Variants in C10orf143 observed in about 807,000 individuals in gnomAD.
C10orf143 encodes the protein chromosome 10 open reading frame 143, also known as uncharacterized protein C10orf143.
intron 3 of C10orf143, among the ~76,000 whole-genome samples, chr10:130,045,693 A>C (rs1395880594): frequency 6.6e-6 from 1 of 152,168 alleles, no homozygotes; most frequent in Admixed American, 6.5e-5. Flanking sequence ...CACCCCACAC[A>C]ACTGGACCTG....
chr10:130,090,227 T>A (rs1002211965), intron 1 of C10orf143, among the ~76,000 whole-genome samples: 2 of 152,054 alleles, frequency 1.3e-5, no homozygotes, highest in African/African-American at 4.8e-5. Context: ...CTCATCTCAT[T>A]GGGACTAGTT....
intron 3 of C10orf143, among the ~76,000 whole-genome samples, chr10:130,038,865 C>G (rs555091035): frequency 6.6e-6 from 1 of 152,312 alleles, no homozygotes; most frequent in East Asian, 1.9e-4. Context: ...GAGACGGTAG[C>G]AAGGCCGGAG....
intron 1 of C10orf143, among the ~76,000 whole-genome samples, chr10:130,090,729 G>T (rs1170038323): frequency 6.6e-6 from 1 of 152,020 alleles, no homozygotes; most frequent in Admixed American, 6.5e-5. Flanking sequence ...TTGGTGGGGG[G>T]CGGGCGGGGC....
At position 130,075,786 on chromosome 10, in the gene C10orf143, GCTCT is replaced by G. The variant is rs146899818; in HGVS notation, c.297+3776_297+3779del. 6.0e-3 allele frequency among the ~76,000 whole-genome samples: 905 copies of G among 151,740 alleles called. 9 individuals carry two copies. The highest frequency in any genetic ancestry group is 0.02 in the African/African-American group (840 of 41,358). On this transcript the variant is annotated intron_variant, in intron 3 of 3. Coordinates refer to ENST00000637128, the MANE Select transcript of C10orf143 (RefSeq NM_001355042.2). ...AAGTGCATAGCACTTCCCCTCTGGCGCTCTCTCTCTCTCCTGCTGCCATGGTAAG... is the reference window on the plus strand; with the variant it reads ...AAGTGCATAGCACTTCCCCTCTGGCGCTCTCTCTCCTGCTGCCATGGTAAG...
At chr10:130,102,696 A>T (rs1398102618) in intron 1 of C10orf143, among the ~76,000 whole-genome samples, 1 of 152,196 alleles carries the variant, frequency 6.6e-6, no homozygotes, top group Non-Finnish European at 1.5e-5. Context: ...TTGCAGTTCT[A>T]TCAGTTTTTG....
chr10:130,084,019 T>C (rs912830703), intron 1 of C10orf143, among the ~76,000 whole-genome samples: 13 of 152,116 alleles, frequency 8.5e-5, no homozygotes, highest in Admixed American at 4.6e-4. Context: ...CTTTTAAAAA[T>C]ACTATTTTGG....
chr10:130,109,954 A>C (rs369135060), intron 1 of C10orf143, among the ~76,000 whole-genome samples: 2 of 152,160 alleles, frequency 1.3e-5, no homozygotes, highest in Admixed American at 1.3e-4. Flanking sequence ...ATTTGCAAGC[A>C]GAGGTGGAAG....
chr10:130,049,664 C>G (rs545993794), intron 3 of C10orf143, among the ~76,000 whole-genome samples: 2 of 152,196 alleles, frequency 1.3e-5, no homozygotes, highest in Admixed American at 6.5e-5. Flanking sequence ...GGCCAACTCA[C>G]GCTGACTTCG....
intron 3 of C10orf143, among the ~76,000 whole-genome samples, chr10:130,040,839 A>C (rs1248560549): frequency 6.6e-6 from 1 of 151,968 alleles, no homozygotes; most frequent in Non-Finnish European, 1.5e-5. Context: ...AGAAAAAAAA[A>C]AAAGGTAGAA....
intron 1 of C10orf143, chr10:130,106,088 G>C: frequency 1.6e-6 from 1 of 615,418 alleles, no homozygotes; most frequent in Non-Finnish European, 3.1e-6. Context: ...CTTGGGGCTG[G>C]TCCTGGGGGA....
intron 3 of C10orf143, among the ~76,000 whole-genome samples, chr10:130,072,751 T>A (rs1244421735): frequency 6.6e-6 from 1 of 152,248 alleles, no homozygotes; most frequent in African/African-American, 2.4e-5. Context: ...TCTCAGTGCA[T>A]ATACAAGTTT....
chr10:130,095,340 T>C (rs1861445478), intron 1 of C10orf143, among the ~76,000 whole-genome samples: 1 of 152,094 alleles, frequency 6.6e-6, no homozygotes, highest in African/African-American at 2.4e-5. Context: ...AAAGGAATAA[T>C]CAATATCGGG....
chr10:130,092,393 C>T (rs1861396307), intron 1 of C10orf143, among the ~76,000 whole-genome samples: 1 of 152,132 alleles, frequency 6.6e-6, no homozygotes, highest in South Asian at 2.1e-4. Flanking sequence ...ACCAGGCCTA[C>T]CTTACAAAAG....
At chr10:130,053,362 C>T (rs1006146889) in intron 3 of C10orf143, among the ~76,000 whole-genome samples, 13 of 152,182 alleles carry the variant, frequency 8.5e-5, no homozygotes, top group East Asian at 1.9e-4. Context: ...TGAGCCACCA[C>T]GCCCGGCCAA....
intron 1 of C10orf143, 119 bp downstream of exon 1, chr10:130,110,585 G>A (rs993151529): frequency 7.5e-6 from 3 of 397,590 alleles, no homozygotes; most frequent in East Asian, 7.1e-5. Flanking sequence ...GAGCGTGCGA[G>A]TGTCTTGGGC....
chr10:130,100,134 G>A (rs540751977), intron 1 of C10orf143, among the ~76,000 whole-genome samples: 1 of 151,854 alleles, frequency 6.6e-6, no homozygotes, highest in East Asian at 1.9e-4. Flanking sequence ...CCGCGCCCGG[G>A]CTTCATTTTC....
At chr10:130,063,735 G>A (rs1314624141), downstream of C10orf143, among the ~76,000 whole-genome samples, 1 of 152,176 alleles carries the variant, frequency 6.6e-6, no homozygotes, top group East Asian at 1.9e-4. Flanking sequence ...TTCAAACCCA[G>A]AGAAAATAAT....
intron 1 of C10orf143, chr10:130,104,060 G>T (rs918085830): frequency 6.6e-6 from 1 of 152,140 alleles, no homozygotes; most frequent in Non-Finnish European, 1.5e-5. Context: ...TGTGGCCAGG[G>T]TGTGGTAAGC....
chr10:130,103,982 T>C (rs1232360502), intron 1 of C10orf143: 1 of 152,124 alleles, frequency 6.6e-6, no homozygotes, highest in Non-Finnish European at 1.5e-5. Flanking sequence ...TCAGCAAAGA[T>C]GAAAGACTAA....
Sources: gnomAD v4.1 joint callset for allele counts (sites outside exome capture counted in the v4.1 genomes callset) on GRCh38, gnomAD v4.1.1 for gene constraint, MANE v1.5 for transcripts, NCBI Gene and HGNC (gene_info 2026-07-23, HGNC 2026-07-21) for gene names.